Variants in RAB11FIP4 observed in about 807,000 individuals in gnomAD.
RAB11FIP4 encodes the protein rab11 family-interacting protein 4.
RAB11FIP4 carries 23 observed loss-of-function variants against 74.3 expected under a neutral mutation model. That is an observed-to-expected ratio of 0.31 (90% confidence interval 0.22 to 0.44). The LOEUF is 0.44. RAB11FIP4 is among the 20% of genes least tolerant of loss of function. The probability of loss-of-function intolerance (pLI) is 1.00; values close to 1 mark genes in which losing one functional copy is unlikely to be tolerated. For synonymous variants in RAB11FIP4, 360 were observed against 359.9 expected (o/e 1.00, Z 0.00); for missense variants, 630 against 863.9 (o/e 0.73, Z 3.39).
rs2072804768 is a variant in RAB11FIP4 at position 31,528,364 on chromosome 17, C to T, written c.1357-42C>T. ...ACACCCCTGGACATAGTGAGCCCCT[C>T]TCTGGGAACTCTCCTCCCCTGATCG... On this transcript the variant is annotated intron_variant, in intron 11 of 14. Transcript: ENST00000621161. The T allele has an allele frequency of 1.9e-6, 3 of 1,594,628 alleles. No homozygotes were observed. The East Asian group carries it at 6.7e-5, about 36-fold the overall frequency.
At chr17:31,489,003 C>T (rs922848951) in intron 3 of RAB11FIP4, among the ~76,000 whole-genome samples, 1 of 152,244 alleles carries the variant, frequency 6.6e-6, no homozygotes, top group Non-Finnish European at 1.5e-5. Context: ...AGTGCCTTCT[C>T]TTTCCCTTTT....
At chr17:31,445,681 G>GT (rs200280409) in intron 3 of RAB11FIP4, among the ~76,000 whole-genome samples, 1,816 of 147,498 alleles carry the variant, frequency 0.012, 38 homozygotes, top group African/African-American at 0.043. Context: ...CGCCTCCTGG[G>GT]TTCAAACGAT....
chr17:31,431,721 TCCCTCCCTCCCTCCCA>T, intron 1 of RAB11FIP4, 76 bp from the exon 2 acceptor site: 2 of 735,746 alleles, frequency 2.7e-6, no homozygotes, highest in Non-Finnish European at 4.9e-6. Context: ...GACACTGGTG[TCCCTCCCTCCCTCCCA>T]GCCTCCCCAC....
intron 3 of RAB11FIP4, among the ~76,000 whole-genome samples, chr17:31,437,291 A>G (rs2071368397): frequency 6.6e-6 from 1 of 152,126 alleles, no homozygotes; most frequent in Admixed American, 6.5e-5. Context: ...GACGGGGCAG[A>G]CGGCTTCTGG....
At chr17:31,426,304 C>G (rs1216413964) in intron 1 of RAB11FIP4, among the ~76,000 whole-genome samples, 1 of 152,108 alleles carries the variant, frequency 6.6e-6, no homozygotes, top group Non-Finnish European at 1.5e-5. Context: ...AAAAGGGGAG[C>G]GTTACCACTG....
intron 3 of RAB11FIP4, among the ~76,000 whole-genome samples, chr17:31,505,524 T>A (rs2072313411): frequency 4.9e-5 from 4 of 81,768 alleles, no homozygotes; most frequent in Admixed American, 2.1e-4. Context: ...TAATTATATA[T>A]TATATATAAT....
chr17:31,433,515 G>A (rs1403919040), intron 2 of RAB11FIP4, among the ~76,000 whole-genome samples: 4 of 152,238 alleles, frequency 2.6e-5, no homozygotes, highest in Non-Finnish European at 5.9e-5. Flanking sequence ...CCCCCTCCCA[G>A]TTCAGTACAA....
intron 1 of RAB11FIP4, among the ~76,000 whole-genome samples, chr17:31,417,139 G>A (rs1597905351): frequency 6.6e-6 from 1 of 151,444 alleles, no homozygotes; most frequent in African/African-American, 2.4e-5. Context: ...CACCTGGCCA[G>A]CTCCTAGCAG....
intron 3 of RAB11FIP4, chr17:31,488,346 C>A: frequency 8.8e-7 from 1 of 1,132,226 alleles, no homozygotes; most frequent in South Asian, 4.4e-5. Flanking sequence ...GCCCGCGGCC[C>A]CGGGAAGTTG....
intron 3 of RAB11FIP4, chr17:31,488,253 C>A: frequency 8.6e-7 from 1 of 1,167,864 alleles, no homozygotes; most frequent in South Asian, 4.2e-5. Flanking sequence ...ATGCGCACCC[C>A]GCCAGCTCTC....
At chr17:31,443,689 C>A (rs1006382680) in intron 3 of RAB11FIP4, among the ~76,000 whole-genome samples, 1 of 152,120 alleles carries the variant, frequency 6.6e-6, no homozygotes, top group African/African-American at 2.4e-5. Flanking sequence ...GTGGGCAGAT[C>A]ACTTGAGGCC....
At chr17:31,464,265 G>A (rs368673441) in intron 3 of RAB11FIP4, among the ~76,000 whole-genome samples, 2 of 151,288 alleles carry the variant, frequency 1.3e-5, no homozygotes, top group Admixed American at 6.6e-5. Context: ...TGGCCATGCC[G>A]GCCAACAGTT....
chr17:31,399,312 GTCC>G (rs2070962196), intron 1 of RAB11FIP4, among the ~76,000 whole-genome samples: 1 of 152,188 alleles, frequency 6.6e-6, no homozygotes, highest in Non-Finnish European at 1.5e-5. Flanking sequence ...AGTCACTGCT[GTCC>G]TCCTAGCCCC....
chr17:31,521,039 C>A, intron 4 of RAB11FIP4, 127 bp from the exon 5 acceptor site: 1 of 680,408 alleles, frequency 1.5e-6, no homozygotes, highest in Non-Finnish European at 2.4e-6. Context: ...ATGTACTTAC[C>A]AGGTCAAGAG....
rs962654723 is a variant in RAB11FIP4, at chr17:31,535,542, T to G, written c.*3810T>G. 6.6e-6 allele frequency: 1 copy of G among 152,380 alleles called. No individual in the cohort carries two copies. Among genetic ancestry groups the G allele is most frequent in the Non-Finnish European group, 1.5e-5 (1 of 68,180 alleles). 9.4% of individuals were successfully genotyped at this position (152,380 alleles called of 1,614,324 possible). A position where few individuals can be genotyped will look rare whatever the true frequency, so the allele number is the denominator to read the frequency against. ...AAACTGGTCAAAGTGGCTGTTGGGC[T>G]TGTCAAGCCCGTGGCTGAATGACAG... is the stretch of plus-strand genomic sequence containing the variant. On this transcript the variant is annotated 3_prime_UTR_variant, in exon 15 of 15. Coordinates refer to ENST00000621161, the MANE Select transcript of RAB11FIP4 (RefSeq NM_032932.6).
intron 3 of RAB11FIP4, among the ~76,000 whole-genome samples, chr17:31,500,389 G>C (rs1047183887): frequency 6.6e-6 from 1 of 152,154 alleles, no homozygotes; most frequent in Admixed American, 6.5e-5. Context: ...ACAACAGAGG[G>C]AGGAAAATGC....
chr17:31,474,875 CAAAAA>C (rs3058693), intron 3 of RAB11FIP4, among the ~76,000 whole-genome samples: 76,894 of 143,530 alleles, frequency 0.54, 21,017 homozygotes, highest in East Asian at 0.63. Context: ...CAAAACAAAA[CAAAAA>C]ACAAAAAAAA....
At chr17:31,415,996 C>T (rs866131173) in intron 1 of RAB11FIP4, among the ~76,000 whole-genome samples, 3 of 152,010 alleles carry the variant, frequency 2.0e-5, no homozygotes, top group Non-Finnish European at 2.9e-5. Flanking sequence ...GTGAGCTGGT[C>T]GGAAGTGCAT....
chr17:31,528,754 G>A lies in RAB11FIP4; in HGVS notation c.1629G>A (p.Glu543=). ...FNARAREVEL[E]HEVKRLKQEN... ...CCAGGGCCCGCGAGGTGGAGCTCGA[G>A]CACGAGGTCAAGCGGCTCAAGCAGG... The change falls in exon 13 of 15, where the codon GAG becomes GAA. Residue 543 remains glutamate, a synonymous_variant. Transcript: ENST00000621161. 1.2e-6 allele frequency: 2 copies of A among 1,610,510 alleles called. No individual in the cohort carries two copies. Among genetic ancestry groups the A allele is most frequent in the Non-Finnish European group, 1.7e-6 (2 of 1,179,312 alleles).
Sources: gnomAD v4.1 joint callset for allele counts (sites outside exome capture counted in the v4.1 genomes callset) on GRCh38, gnomAD v4.1.1 for gene constraint, MANE v1.5 for transcripts, NCBI Gene and HGNC (gene_info 2026-07-23, HGNC 2026-07-21) for gene names.